PRR16: variants seen among roughly 807,000 people sequenced by gnomAD.
The protein encoded by PRR16 is protein Largen.
PRR16 carries 6 observed loss-of-function variants against 18.2 expected under a neutral mutation model. The ratio of observed to expected loss-of-function variants is 0.33; its 90% CI spans 0.18 to 0.65. The LOEUF is 0.65. PRR16 is among the 30% of genes least tolerant of loss of function. The pLI, the probability that PRR16 is intolerant of heterozygous loss-of-function variation, is 0.74. For synonymous variants in PRR16, 151 were observed against 147.8 expected, an observed-to-expected ratio of 1.02 and a Z score of -0.16; for missense variants, 412 against 376.6, an observed-to-expected ratio of 1.09 and a Z score of -0.78.
intron 1 of PRR16, among the ~76,000 whole-genome samples, chr5:120,606,781 C>A (rs1326072259): frequency 6.6e-6 from 1 of 152,052 alleles, no homozygotes; most frequent in Admixed American, 6.6e-5. Flanking sequence ...GTAGAATATG[C>A]CTGTGGTGCC....
intron 1 of PRR16, among the ~76,000 whole-genome samples, chr5:120,581,295 C>T (rs1008862050): frequency 1.2e-4 from 18 of 151,968 alleles, no homozygotes; most frequent in South Asian, 2.1e-4. Flanking sequence ...CTAGATTTTC[C>T]GGTTTATTTG....
intron 1 of PRR16, among the ~76,000 whole-genome samples, chr5:120,502,225 A>G (rs541691567): frequency 1.7e-4 from 25 of 151,216 alleles, no homozygotes; most frequent in African/African-American, 5.8e-4. Flanking sequence ...CAGAATATCC[A>G]TAACAGTTTC....
the PRR16 span, among the ~76,000 whole-genome samples, chr5:120,774,420 G>A: frequency 0.27 from 41,062 of 151,620 alleles, 5,868 homozygotes; most frequent in Non-Finnish European, 0.32. Context: ...TTCTTATGTT[G>A]GAGTTTTATA....
intron 1 of PRR16, among the ~76,000 whole-genome samples, chr5:120,683,171 T>G (rs1580878207): frequency 6.6e-6 from 1 of 152,254 alleles, no homozygotes; most frequent in Non-Finnish European, 1.5e-5. Context: ...AACTGACTCA[T>G]ACTAGCTAAA....
At chr5:120,594,968 G>T (rs1753754008) in intron 1 of PRR16, among the ~76,000 whole-genome samples, 1 of 151,926 alleles carries the variant, frequency 6.6e-6, no homozygotes, top group Non-Finnish European at 1.5e-5. Context: ...AAAATGGGAT[G>T]AAGACTTAAA....
chr5:120,603,235 T>A (rs1754045058), intron 1 of PRR16, among the ~76,000 whole-genome samples: 1 of 152,092 alleles, frequency 6.6e-6, no homozygotes, highest in East Asian at 1.9e-4. Flanking sequence ...ACATGCAATT[T>A]GGAACTCGTA....
At chr5:120,732,102 A>T in the PRR16 span, among the ~76,000 whole-genome samples, 1 of 152,210 alleles carries the variant, frequency 6.6e-6, no homozygotes, top group African/African-American at 2.4e-5. Context: ...TGGATGGCCA[A>T]TCATCATTTC....
At chr5:120,565,110 A>G (rs991882181) in intron 1 of PRR16, among the ~76,000 whole-genome samples, 1 of 151,934 alleles carries the variant, frequency 6.6e-6, no homozygotes, top group Admixed American at 6.6e-5. Context: ...GTGCAGACAC[A>G]TGGTATAGGA....
At chr5:120,706,492 T>A in the PRR16 span, among the ~76,000 whole-genome samples, 4 of 152,144 alleles carry the variant, frequency 2.6e-5, no homozygotes, top group Admixed American at 2.6e-4. Context: ...ACACAAGGAA[T>A]TTTTTTAAGT....
chr5:120,649,432 A>C (rs937935270), intron 1 of PRR16, among the ~76,000 whole-genome samples: 1 of 152,136 alleles, frequency 6.6e-6, no homozygotes, highest in East Asian at 1.9e-4. Context: ...AGCAGAATCT[A>C]TTTTTGAGGA....
At chr5:120,592,145 G>T (rs1458862373) in intron 1 of PRR16, among the ~76,000 whole-genome samples, 1 of 152,128 alleles carries the variant, frequency 6.6e-6, no homozygotes, top group Non-Finnish European at 1.5e-5. Flanking sequence ...CATACATAAT[G>T]ATAAAGATGT....
At chr5:120,487,897 T>A (rs528669285) in intron 1 of PRR16, among the ~76,000 whole-genome samples, 27 of 152,344 alleles carry the variant, frequency 1.8e-4, no homozygotes, top group African/African-American at 6.5e-4. Flanking sequence ...CTGCATCTAT[T>A]GATATAATCA....
chr5:120,620,641 C>T (rs1754657878), intron 1 of PRR16, among the ~76,000 whole-genome samples: 1 of 152,104 alleles, frequency 6.6e-6, no homozygotes, highest in Admixed American at 6.6e-5. Flanking sequence ...ATTTCCTCTT[C>T]TACCTCTCTG....
intron 1 of PRR16, among the ~76,000 whole-genome samples, chr5:120,617,979 A>G (rs961276): frequency 0.98 from 149,619 of 152,226 alleles, 73,566 homozygotes; most frequent in Non-Finnish European, 1. Context: ...ATTTTTCTGC[A>G]TATAAAAGAA....
intron 1 of PRR16, among the ~76,000 whole-genome samples, chr5:120,498,214 T>G (rs1286875288): frequency 6.6e-6 from 1 of 150,968 alleles, no homozygotes; most frequent in African/African-American, 2.4e-5. Context: ...TGTTTGTCCT[T>G]TTATAGAGTC....
intron 1 of PRR16, among the ~76,000 whole-genome samples, chr5:120,540,679 G>A (rs13170550): frequency 0.2 from 29,828 of 151,930 alleles, 3,878 homozygotes; most frequent in East Asian, 0.68. Flanking sequence ...TTATTGGAAC[G>A]CTAAGCATCT....
chr5:120,506,504 C>T (rs17146690), intron 1 of PRR16, among the ~76,000 whole-genome samples: 10,191 of 151,992 alleles, frequency 0.067, 776 homozygotes, highest in African/African-American at 0.19. Context: ...TTAACGGTGG[C>T]TTAAAGTTAT....
chr5:120,727,913 C>G, the PRR16 span, among the ~76,000 whole-genome samples: 1 of 151,780 alleles, frequency 6.6e-6, no homozygotes. Context: ...ACAGATTAGA[C>G]AAATGTGTTA....
At chr5:120,757,202 A>G in the PRR16 span, among the ~76,000 whole-genome samples, 3 of 151,592 alleles carry the variant, frequency 2.0e-5, no homozygotes, top group African/African-American at 7.3e-5. Flanking sequence ...CACTACCATG[A>G]TGTTTTGGTT....
Sources: allele counts gnomAD v4.1 joint callset (sites outside exome capture counted in the v4.1 genomes callset), GRCh38; gene constraint gnomAD v4.1.1; transcripts MANE v1.5; gene names NCBI Gene and HGNC (gene_info 2026-07-23, HGNC 2026-07-21).